TRIOBP: variants seen among roughly 807,000 people sequenced by gnomAD.
The protein encoded by TRIOBP is TRIO and F-actin-binding protein.
TRIOBP carries 169 observed loss-of-function variants against 238.8 expected under a neutral mutation model. The ratio of observed to expected loss-of-function variants is 0.71; its 90% CI spans 0.62 to 0.80. The LOEUF (loss-of-function observed/expected upper bound fraction) is 0.80. TRIOBP is among the 30% of genes least tolerant of loss of function. The pLI is 0.00. For synonymous variants in TRIOBP, 1,150 were observed against 1,274.4 expected (o/e 0.90, Z 2.08); for missense variants, 2,838 against 3,122.6 (o/e 0.91, Z 2.17).
chr22:37,761,786 G>T (rs528447408), intron 17 of TRIOBP, among the ~76,000 whole-genome samples: 4 of 152,162 alleles, frequency 2.6e-5, no homozygotes, highest in African/African-American at 9.6e-5. Flanking sequence ...GGGGAATTGG[G>T]GTGGGACGCA....
At chr22:37,720,991 G>A (rs926955849) in intron 6 of TRIOBP, among the ~76,000 whole-genome samples, 16 of 151,590 alleles carry the variant, frequency 1.1e-4, no homozygotes, top group Non-Finnish European at 2.4e-4. Flanking sequence ...CCGAGTAGCT[G>A]GGATTACAGG....
chr22:37,709,149 G>A (rs1197228998), intron 3 of TRIOBP, among the ~76,000 whole-genome samples: 1 of 152,306 alleles, frequency 6.6e-6, no homozygotes, highest in East Asian at 1.9e-4. Context: ...TGGATGTCAC[G>A]GCAGACATCC....
At chr22:37,704,147 T>A (rs1311145724) in intron 3 of TRIOBP, among the ~76,000 whole-genome samples, 4 of 152,106 alleles carry the variant, frequency 2.6e-5, no homozygotes, top group Non-Finnish European at 5.9e-5. Context: ...CCCAGCACTT[T>A]GGGAGGCCAA....
intron 3 of TRIOBP, among the ~76,000 whole-genome samples, chr22:37,708,629 G>A (rs117378669): frequency 6.6e-4 from 101 of 152,336 alleles, no homozygotes; most frequent in Non-Finnish European, 1.2e-3. Flanking sequence ...CTATCCTGCC[G>A]GTTTTGTAGA....
At chr22:37,732,842 A>G (rs1341265548) in intron 7 of TRIOBP, among the ~76,000 whole-genome samples, 1 of 152,262 alleles carries the variant, frequency 6.6e-6, no homozygotes, top group African/African-American at 2.4e-5. Context: ...GAAGCACTCA[A>G]TAAATGCTTT....
intron 15 of TRIOBP, among the ~76,000 whole-genome samples, chr22:37,756,771 TGACCACG>T (rs1227233643): frequency 1.7e-4 from 26 of 148,962 alleles, no homozygotes; most frequent in Non-Finnish European, 2.1e-4. Context: ...TTTGGCAGGG[TGACCACG>T]TACCCAGCTA....
Position 37,725,966 on chromosome 22 carries a change from A to T in TRIOBP, c.3410A>T (p.Gln1137Leu). 12 of 1,604,390 alleles carry T rather than the reference A, an allele frequency of 7.5e-6. No individual in the cohort carries two copies. Among genetic ancestry groups the T allele is most frequent in the Non-Finnish European group, 1.0e-5 (12 of 1,177,316 alleles). ...RQAPEPSLLF[Q>L]DLPRASTESL... is the part of the protein sequence containing the mutation. ...GCCCCAGAGCCTTCCCTCTTATTCC[A>T]GGACCTCCCCAGGGCCAGCACAGAG... Residue 1137 changes from glutamine to leucine, a missense_variant, in exon 7 of 24, where the codon CAG becomes CTG. This residue lies in a region of TRIOBP where 2,096 missense variants were observed against 2,137.4 expected (regional missense o/e 0.98). Transcript: ENST00000644935.
chr22:37,751,137 G>C, intron 11 of TRIOBP: 1 of 432,540 alleles, frequency 2.3e-6, no homozygotes, highest in South Asian at 1.7e-5. Flanking sequence ...GGTCTCCATG[G>C]GACATGCTGC....
Position 37,725,369 on chromosome 22 carries a change from C to T in TRIOBP, c.2813C>T (p.Ala938Val). Residue 938 changes from alanine to valine, a missense_variant, in exon 7 of 24, where the codon GCC becomes GTC. Physicochemically the swap from Ala to Val is moderately conservative, Grantham distance 64. This residue lies in a region of TRIOBP where 2,096 missense variants were observed against 2,137.4 expected (regional missense o/e 0.98). Coordinates refer to ENST00000644935, the MANE Select transcript of TRIOBP (RefSeq NM_001039141.3). ...AGCGAGGTTCCCTGGGCATCCATCG[C>T]CCTCCGGCCAACCCAAGGTGACAGG... ...KQSEVPWASI[A>V]LRPTQGDRPQ... The T allele has an allele frequency of 6.2e-7, 1 of 1,612,838 alleles. No individual in the cohort carries two copies. Among genetic ancestry groups the T allele is most frequent in the Non-Finnish European group, 8.5e-7 (1 of 1,179,142 alleles).
chr22:37,701,786 C>T (rs1922660820), intron 3 of TRIOBP, among the ~76,000 whole-genome samples: 1 of 152,226 alleles, frequency 6.6e-6, no homozygotes, highest in East Asian at 1.9e-4. Flanking sequence ...ACATCATCAA[C>T]ACAAGTAGAA....
chr22:37,721,787 C>G (rs1025083104), intron 6 of TRIOBP, among the ~76,000 whole-genome samples: 2 of 152,198 alleles, frequency 1.3e-5, no homozygotes, highest in African/African-American at 4.8e-5. Context: ...ATAGTTGTGG[C>G]TCCTTTAAGA....
intron 17 of TRIOBP, among the ~76,000 whole-genome samples, chr22:37,761,085 G>T (rs1926221661): frequency 6.6e-6 from 1 of 152,168 alleles, no homozygotes; most frequent in Non-Finnish European, 1.5e-5. Context: ...TCTCAGGAAG[G>T]CATTGGCTGG....
intron 11 of TRIOBP, chr22:37,746,325 G>A (rs1161750279): frequency 2.6e-6 from 3 of 1,150,444 alleles, no homozygotes; most frequent in African/African-American, 3.3e-5. Flanking sequence ...CGGCGGCGGC[G>A]GCGGCGGCGG....
chr22:37,746,055 C>CGCCGTCCCGCCGCCCCGCCGCCCT (rs1393533293), intron 11 of TRIOBP, among the ~76,000 whole-genome samples: 1 of 147,312 alleles, frequency 6.8e-6, no homozygotes, highest in African/African-American at 2.5e-5. Flanking sequence ...CCCGCCGTCC[C>CGCCGTCCCGCCGCCCCGCCGCCCT]GCCGTCCCGC....
intron 3 of TRIOBP, among the ~76,000 whole-genome samples, chr22:37,707,715 G>A (rs553603376): frequency 6.6e-6 from 1 of 151,936 alleles, no homozygotes; most frequent in Non-Finnish European, 1.5e-5. Context: ...GCCGAGGCAG[G>A]TGGATCACCT....
At chr22:37,718,020 C>T (rs1180705549) in intron 6 of TRIOBP, among the ~76,000 whole-genome samples, 1 of 152,228 alleles carries the variant, frequency 6.6e-6, no homozygotes. Flanking sequence ...AGAAATCCAG[C>T]GCAGCGCTGG....
At position 37,735,227 on chromosome 22, in the gene TRIOBP, G is replaced by C. The variant is rs1176736936; in HGVS notation, c.4891G>C (p.Glu1631Gln). Residue 1631 changes from glutamate (E) to glutamine (Q), a missense_variant, in exon 9 of 24, where the codon GAA becomes CAA. Glu to Gln is a conservative substitution (Grantham distance 29). Around this residue, in one of 5 missense-constraint regions of TRIOBP, gnomAD observed 2,096 missense variants for 2,137.4 expected, o/e 0.98. Coordinates refer to ENST00000644935, the MANE Select transcript of TRIOBP (RefSeq NM_001039141.3). ...TGAGCAGGAGTCACACAGCCAGCCA[G>C]AAGGCTGGGCCGAGGCCACCCCAGT... ...VPEQESHSQP[E>Q]GWAEATPVNG... is the part of the protein sequence containing the mutation. 2 of 1,606,154 alleles carry C rather than the reference G, an allele frequency of 1.2e-6. No homozygotes were observed. The highest frequency in any genetic ancestry group is 2.2e-5 in the East Asian group (1 of 44,596).
chr22:37,723,403 C>A lies in TRIOBP; in HGVS notation c.847C>A (p.Arg283=). ...AATCCCCAGAGCCTCCTCTCCCCATCGAATCACCCAAAGGGACACCTCCAG... is the reference window on the plus strand; with the variant it reads ...AATCCCCAGAGCCTCCTCTCCCCATAGAATCACCCAAAGGGACACCTCCAG... The part of the protein sequence containing the change: ...REIPRASSPH[R]ITQRDTSRAS... The change falls in exon 7 of 24, where the codon CGA becomes AGA. Residue 283 remains arginine, a synonymous_variant. Transcript: ENST00000644935. 1 of 1,605,500 alleles carries A rather than the reference C, an allele frequency of 6.2e-7. No homozygotes were observed. Among genetic ancestry groups the A allele is most frequent in the South Asian group, 1.1e-5 (1 of 90,084 alleles).
intron 17 of TRIOBP, among the ~76,000 whole-genome samples, chr22:37,761,078 C>G (rs1926221003): frequency 6.6e-6 from 1 of 151,962 alleles, no homozygotes; most frequent in Non-Finnish European, 1.5e-5. Context: ...AGGGGGCTCT[C>G]AGGAAGGCAT....
Sources: allele counts gnomAD v4.1 joint callset (sites outside exome capture counted in the v4.1 genomes callset), GRCh38; gene constraint gnomAD v4.1.1; regional missense constraint gnomAD v4.1.1; transcripts MANE v1.5; gene names NCBI Gene and HGNC (gene_info 2026-07-23, HGNC 2026-07-21).